CRHBP: variants seen among roughly 807,000 people sequenced by gnomAD.
The protein encoded by CRHBP is corticotropin releasing hormone binding protein.
In CRHBP, 19 loss-of-function variants were observed where a neutral mutation model predicts 34.9. That is an observed-to-expected ratio of 0.55 (90% confidence interval 0.38 to 0.80). CRHBP has a LOEUF of 0.80. Ranked by LOEUF, CRHBP falls within the 30% of genes least tolerant of loss-of-function variation. CRHBP has a pLI of 0.00. For missense variants in CRHBP, 328 were observed against 409.2 expected, an observed-to-expected ratio of 0.80 and a Z score of 1.71; for synonymous variants, 154 against 153.4, an observed-to-expected ratio of 1.00 and a Z score of -0.03.
At chr5:76,957,984 C>T (rs1414249416) in intron 4 of CRHBP, among the ~76,000 whole-genome samples, 2 of 151,824 alleles carry the variant, frequency 1.3e-5, no homozygotes, top group Non-Finnish European at 2.9e-5. Flanking sequence ...CGTGGTGAAA[C>T]CCTGTCTCTA....
chr5:76,980,470 C>G (rs2150713098), intron 3 of CRHBP, among the ~76,000 whole-genome samples: 1 of 152,234 alleles, frequency 6.6e-6, no homozygotes, highest in Non-Finnish European at 1.5e-5. Context: ...ACACACCATT[C>G]AAAGTTATTT....
chr5:76,972,199 T>TTA (rs1745957444), downstream of CRHBP, among the ~76,000 whole-genome samples: 1 of 144,686 alleles, frequency 6.9e-6, no homozygotes, highest in Admixed American at 7.0e-5. Flanking sequence ...TGTGGCTAAT[T>TTA]AAAAAAAAAA....
downstream of CRHBP, among the ~76,000 whole-genome samples, chr5:76,971,392 AT>A (rs1745942394): frequency 6.6e-6 from 1 of 152,090 alleles, no homozygotes; most frequent in African/African-American, 2.4e-5. Flanking sequence ...GTTGGCTGTT[AT>A]TTTTATTTTT....
chr5:76,980,179 C>T (rs553177001), intron 3 of CRHBP, among the ~76,000 whole-genome samples: 30 of 145,892 alleles, frequency 2.1e-4, no homozygotes, highest in Middle Eastern at 3.6e-3. Context: ...GGCGTGAACC[C>T]GGGAGGCGGA....
chr5:76,965,446 A>G (rs1231067647), intron 6 of CRHBP, among the ~76,000 whole-genome samples: 1 of 152,226 alleles, frequency 6.6e-6, no homozygotes. Flanking sequence ...ATGCTAATTG[A>G]CACTTGAGCC....
At chr5:76,962,397 G>A (rs1432162567) in intron 5 of CRHBP, among the ~76,000 whole-genome samples, 2 of 152,102 alleles carry the variant, frequency 1.3e-5, no homozygotes, top group East Asian at 3.8e-4. Flanking sequence ...GGGAGATGGG[G>A]GCTCAGAGTA....
At chr5:76,953,564 CT>C (rs1341466931) in intron 1 of CRHBP, 36 bp from the exon 2 acceptor site, 3 of 1,595,096 alleles carry the variant, frequency 1.9e-6, no homozygotes, top group Admixed American at 3.5e-5. Flanking sequence ...ATCCCCAGCC[CT>C]TGAACTTTTC....
In CRHBP at chr5:76,969,221, T is replaced by C; in HGVS notation, c.*336T>C. 5.2e-6 allele frequency: 1 copy of C among 191,464 alleles called. No homozygotes were observed. The highest frequency in any genetic ancestry group is 1.7e-4 in the South Asian group (1 of 5,718). 11.9% of individuals were successfully genotyped at this position (191,464 alleles called of 1,614,324 possible). A position where few individuals can be genotyped will look rare whatever the true frequency, so the allele number is the denominator to read the frequency against. On this transcript the variant is annotated 3_prime_UTR_variant, in exon 7 of 7. Coordinates refer to ENST00000274368, the MANE Select transcript of CRHBP (RefSeq NM_001882.4). The stretch of plus-strand genomic sequence containing the variant: ...AGCAACGTGCAATACAAAAATCGTA[T>C]CTCAAGGGAAAATACTCAAAGAAAG...
In CRHBP at chr5:76,958,604, G is replaced by T; in HGVS notation, c.545-137G>T. 9 of 893,234 alleles carry T rather than the reference G, an allele frequency of 1.0e-5. No homozygotes were observed. In the South Asian group the frequency reaches 2.0e-4, roughly 20 times the overall value. The allele number at this position is 893,234 out of a possible 1,614,324, so 55.3% of individuals were successfully genotyped here. A position where few individuals can be genotyped will look rare whatever the true frequency, so the allele number is the denominator to read the frequency against. ...TCCTTCCTGTCTCCAAATTGCTTTT[G>T]TGGTATATATGCTCTCTTCCTGGGC... On this transcript the variant is annotated intron_variant, in intron 4 of 6. Coordinates refer to ENST00000274368, the MANE Select transcript of CRHBP (RefSeq NM_001882.4).
Position 76,953,657 on chromosome 5 carries a change from G to T in CRHBP, c.138G>T (p.Arg46=), listed in dbSNP as rs1224084075. 1.2e-6 allele frequency: 2 copies of T among 1,610,988 alleles called. No homozygotes were observed. The highest frequency in any genetic ancestry group is 1.7e-5 in the Admixed American group (1 of 59,800). The part of the protein sequence containing the change: ...PFLLFSANLK[R]ELAGEQPYRR... ...TGCTCTTCAGCGCCAACCTGAAGCG[G>T]GAGCTGGCTGGGGAGCAGCCGTACC... Residue 46 remains arginine (R), a synonymous_variant, in exon 2 of 7, where the codon CGG becomes CGT. Coordinates refer to ENST00000274368, the MANE Select transcript of CRHBP (RefSeq NM_001882.4).
intron 3 of CRHBP, among the ~76,000 whole-genome samples, chr5:76,979,033 G>C (rs1746080098): frequency 6.6e-6 from 1 of 152,200 alleles, no homozygotes; most frequent in African/African-American, 2.4e-5. Context: ...AGTAACCACT[G>C]CCCTTATCAG....
chr5:76,966,943 T>A (rs1207158282), intron 6 of CRHBP, among the ~76,000 whole-genome samples: 1 of 152,164 alleles, frequency 6.6e-6, no homozygotes, highest in Admixed American at 6.6e-5. Flanking sequence ...TCCAAACTGT[T>A]TAATGAAAAA....
chr5:76,953,755 G>C (rs377517805), intron 2 of CRHBP, 61 bp downstream of exon 2: 66 of 1,473,616 alleles, frequency 4.5e-5, no homozygotes, highest in South Asian at 2.8e-4. Context: ...GACTCTGTGC[G>C]GGGGGCAGAG....
In CRHBP at chr5:76,969,135, A is replaced by G. The variant is rs1012388876; in HGVS notation, c.*250A>G. On this transcript the variant is annotated 3_prime_UTR_variant, in exon 7 of 7. Coordinates refer to ENST00000274368, the MANE Select transcript of CRHBP (RefSeq NM_001882.4). ...CCTGATTGGTAGGATCATAGTTCTAAATGGAAATGTTTGTAATTCTTTGAT... is the reference window on the plus strand; with the variant it reads ...CCTGATTGGTAGGATCATAGTTCTAGATGGAAATGTTTGTAATTCTTTGAT... 2 of 362,110 alleles carry G rather than the reference A, an allele frequency of 5.5e-6. No homozygotes were observed. Among genetic ancestry groups the G allele is most frequent in the Non-Finnish European group, 9.8e-6 (2 of 203,094 alleles). 22.4% of individuals were successfully genotyped at this position (362,110 alleles called of 1,614,324 possible). A position where few individuals can be genotyped will look rare whatever the true frequency, so the allele number is the denominator to read the frequency against.
intron 5 of CRHBP, among the ~76,000 whole-genome samples, chr5:76,961,942 C>T (rs12521643): frequency 0.14 from 20,596 of 151,906 alleles, 1,615 homozygotes; most frequent in South Asian, 0.23. Flanking sequence ...TTAGTGGAGA[C>T]GGGGTTTCAC....
intron 2 of CRHBP, among the ~76,000 whole-genome samples, chr5:76,975,239 A>T (rs1746007762): frequency 6.6e-6 from 1 of 152,216 alleles, no homozygotes; most frequent in Non-Finnish European, 1.5e-5. Context: ...GATTTCAGGG[A>T]TAGCACTTAA....
At chr5:76,971,080 T>C (rs1301653859), downstream of CRHBP, among the ~76,000 whole-genome samples, 1 of 152,236 alleles carries the variant, frequency 6.6e-6, no homozygotes, top group East Asian at 1.9e-4. Flanking sequence ...TTATAGGTTG[T>C]GTCTTCATTG....
intron 2 of CRHBP, 59 bp downstream of exon 2, chr5:76,953,753 G>T: frequency 6.6e-7 from 1 of 1,504,802 alleles, no homozygotes; most frequent in Non-Finnish European, 9.0e-7. Context: ...GGGACTCTGT[G>T]CGGGGGGCAG....
intron 6 of CRHBP, among the ~76,000 whole-genome samples, chr5:76,966,486 G>A (rs1459546055): frequency 6.6e-6 from 1 of 152,196 alleles, no homozygotes; most frequent in Non-Finnish European, 1.5e-5. Flanking sequence ...AGGGTTGTAG[G>A]GAGACTAGCC....
Sources: allele counts gnomAD v4.1 joint callset (sites outside exome capture counted in the v4.1 genomes callset), GRCh38; gene constraint gnomAD v4.1.1; transcripts MANE v1.5; gene names NCBI Gene and HGNC (gene_info 2026-07-23, HGNC 2026-07-21).